Variants in PDE4D observed in about 807,000 individuals in gnomAD.
The protein encoded by PDE4D is phosphodiesterase 4D.
A neutral mutation model predicts 87.4 loss-of-function variants in PDE4D; 24 were observed. The ratio of observed to expected loss-of-function variants is 0.27; its 90% CI spans 0.20 to 0.39. PDE4D has a LOEUF of 0.39. Among genes scored for constraint, PDE4D ranks in the 10% least tolerant of loss-of-function variants. The pLI is 1.00. For missense variants in PDE4D, 714 were observed against 1,041.0 expected, an observed-to-expected ratio of 0.69 and a Z score of 4.32; for synonymous variants, 384 against 383.2, an observed-to-expected ratio of 1.00 and a Z score of -0.02.
chr5:59,957,399 A>G lies in PDE4D; in HGVS notation c.272+31089T>C, dbSNP rs558517625. ...TTTTTTTTTTTGCTATCAACTCAGT[A>G]ACTTAATATGTGTGTGTCAGTGCAC... On this transcript the variant is annotated intron_variant, in intron 3 of 16. Coordinates refer to the PDE4D transcript ENST00000502484. Among the ~76,000 whole-genome samples the G allele has an allele frequency of 1.4e-3, 216 of 152,018 alleles. 2 individuals are homozygous for G. The highest frequency in any genetic ancestry group is 3.1e-3 in the South Asian group (15 of 4,820).
intron 2 of PDE4D, among the ~76,000 whole-genome samples, chr5:60,049,319 CA>C (rs1351390492): frequency 1.3e-5 from 2 of 152,138 alleles, no homozygotes; most frequent in Non-Finnish European, 2.9e-5. Flanking sequence ...GAATGTCCTC[CA>C]GTACCTCAGC....
chr5:59,585,350 G>A (rs897653558), intron 1 of PDE4D, among the ~76,000 whole-genome samples: 1 of 152,136 alleles, frequency 6.6e-6, no homozygotes, highest in African/African-American at 2.4e-5. Flanking sequence ...CATAAAAGCA[G>A]CTGGAAAGCC....
chr5:59,183,474 T>A (rs889229), intron 4 of PDE4D, among the ~76,000 whole-genome samples: 113,386 of 152,092 alleles, frequency 0.75, 42,771 homozygotes, highest in Admixed American at 0.83. Context: ...TGCCACAGAT[T>A]TAAATGCTGG....
chr5:59,519,629 G>T (rs757823577), intron 1 of PDE4D, among the ~76,000 whole-genome samples: 2 of 152,222 alleles, frequency 1.3e-5, no homozygotes, highest in Non-Finnish European at 2.9e-5. Flanking sequence ...AGATCATGTA[G>T]AAGTTTAACA....
intron 2 of PDE4D, among the ~76,000 whole-genome samples, chr5:60,138,553 T>C (rs1582830819): frequency 6.6e-6 from 1 of 152,242 alleles, no homozygotes; most frequent in Non-Finnish European, 1.5e-5. Flanking sequence ...TAAAGAATAA[T>C]TTTCCTGCTG....
chr5:59,290,291 T>A (rs1044319529), intron 1 of PDE4D, among the ~76,000 whole-genome samples: 1 of 151,994 alleles, frequency 6.6e-6, no homozygotes, highest in Non-Finnish European at 1.5e-5. Context: ...AGCGAACTCA[T>A]TTTCAACAAA....
chr5:59,489,265 AAAAAAAAAAACAAAAAAAAC>A (rs1247021105), intron 1 of PDE4D, among the ~76,000 whole-genome samples: 1 of 86,846 alleles, frequency 1.2e-5, no homozygotes, highest in Admixed American at 1.2e-4. Context: ...CTCCATCTCA[AAAAAAAAAAACAAAAAAAAC>A]AAAAAAAAAC....
intron 2 of PDE4D, among the ~76,000 whole-genome samples, chr5:60,055,787 T>C (rs1158301550): frequency 6.6e-6 from 1 of 152,080 alleles, no homozygotes; most frequent in Non-Finnish European, 1.5e-5. Flanking sequence ...GAGCCTATGC[T>C]CTTAACCACT....
intron 1 of PDE4D, among the ~76,000 whole-genome samples, chr5:59,233,858 G>A (rs1465249075): frequency 1.3e-5 from 2 of 152,090 alleles, no homozygotes; most frequent in Admixed American, 6.6e-5. Context: ...CACTCTGGGA[G>A]GAATAATGAA....
intron 1 of PDE4D, among the ~76,000 whole-genome samples, chr5:59,305,582 G>A (rs1041095763): frequency 6.6e-6 from 1 of 151,952 alleles, no homozygotes; most frequent in African/African-American, 2.4e-5. Flanking sequence ...GTATCCCAGA[G>A]GTTTTGATAA....
chr5:59,780,074 C>T (rs997636615), intron 1 of PDE4D, among the ~76,000 whole-genome samples: 10 of 152,248 alleles, frequency 6.6e-5, no homozygotes, highest in South Asian at 2.1e-4. Context: ...TTAAGAAGAG[C>T]GTCAGTGAGC....
chr5:59,310,264 T>C (rs1487269682), intron 1 of PDE4D, among the ~76,000 whole-genome samples: 1 of 152,192 alleles, frequency 6.6e-6, no homozygotes, highest in African/African-American at 2.4e-5. Flanking sequence ...CTGTGGACTT[T>C]GAGATGGCCT....
chr5:60,360,142 C>G (rs1442454736), intron 1 of PDE4D, among the ~76,000 whole-genome samples: 1 of 152,142 alleles, frequency 6.6e-6, no homozygotes, highest in Non-Finnish European at 1.5e-5. Context: ...CTATCTGTGA[C>G]CTGGGAGCAG....
At chr5:59,000,009 A>G (rs1219314783) in intron 6 of PDE4D, 1 of 707,078 alleles carries the variant, frequency 1.4e-6, no homozygotes, top group Non-Finnish European at 1.7e-6. Flanking sequence ...TCCAGCTCTT[A>G]GCCTATAAGG....
chr5:59,988,259 C>T, intron 3 of PDE4D: 1 of 440,112 alleles, frequency 2.3e-6, no homozygotes, highest in Non-Finnish European at 4.0e-6. Flanking sequence ...TGTTTATTAG[C>T]ATTCACCAAT....
At chr5:60,473,124 A>AAGG (rs1747961639) in intron 1 of PDE4D, among the ~76,000 whole-genome samples, 6 of 81,396 alleles carry the variant, frequency 7.4e-5, no homozygotes, top group Non-Finnish European at 1.4e-4. Context: ...AGAGAGAAAG[A>AAGG]AAGGAAGGAA....
At chr5:59,318,941 G>A (rs1346529183) in intron 1 of PDE4D, among the ~76,000 whole-genome samples, 1 of 151,902 alleles carries the variant, frequency 6.6e-6, no homozygotes, top group African/African-American at 2.4e-5. Flanking sequence ...ATAAAAAAAA[G>A]ACCATAGCCC....
intron 1 of PDE4D, among the ~76,000 whole-genome samples, chr5:60,261,001 T>C (rs1316575447): frequency 4.6e-5 from 7 of 152,146 alleles, no homozygotes; most frequent in African/African-American, 1.2e-4. Context: ...CTCATTCTCC[T>C]TATTTTTCTC....
At chr5:58,999,129 A>G (rs577318041) in intron 6 of PDE4D, among the ~76,000 whole-genome samples, 1 of 152,204 alleles carries the variant, frequency 6.6e-6, no homozygotes, top group Non-Finnish European at 1.5e-5. Flanking sequence ...TTAATTTTAT[A>G]AACTTTATGT....
Sources: gnomAD v4.1 joint callset for allele counts (sites outside exome capture counted in the v4.1 genomes callset) on GRCh38, gnomAD v4.1.1 for gene constraint, MANE v1.5 for transcripts, NCBI Gene and HGNC (gene_info 2026-07-23, HGNC 2026-07-21) for gene names.